Variants in UPF2 observed in about 807,000 individuals in gnomAD.
UPF2 encodes the protein UPF2 regulator of nonsense mediated mRNA decay, also known as regulator of nonsense transcripts 2.
A neutral mutation model predicts 141.4 loss-of-function variants in UPF2; 17 were observed. The ratio of observed to expected loss-of-function variants is 0.12; its 90% CI spans 0.08 to 0.18. UPF2 has a LOEUF of 0.18. UPF2 is among the 10% of genes least tolerant of loss of function. UPF2 has a pLI of 1.00. For missense variants in UPF2, 1,152 were observed against 1,515.9 expected, an observed-to-expected ratio of 0.76 and a Z score of 3.99; for synonymous variants, 540 against 498.0, an observed-to-expected ratio of 1.08 and a Z score of -1.12.
rs113521690 is a variant in UPF2 at position 12,004,675 on chromosome 10, G to C, written c.1359C>G (p.Asp453Glu). Residue 453 changes from aspartate (D) to glutamate (E), a missense_variant, in exon 5 of 22, where the codon GAC becomes GAG. Asp to Glu is a conservative substitution (Grantham distance 45, BLOSUM62 2). This residue lies in a region of UPF2 where 739 missense variants were observed against 1,032.2 expected (regional missense o/e 0.72). Coordinates refer to ENST00000357604, the MANE Select transcript of UPF2 (RefSeq NM_015542.4). ...CATCTTCCCATATACCACCTTCCAA[G>C]TCATATTCTCCAGGTTTACCAGGTG... The part of the protein sequence containing the change: ...IFTPGKPGEY[D>E]LEGGIWEDED... 1 of 1,613,720 alleles carries C rather than the reference G, an allele frequency of 6.2e-7. No homozygotes were observed. Among genetic ancestry groups the C allele is most frequent in the East Asian group, 2.2e-5 (1 of 44,792 alleles).
At position 11,967,409 on chromosome 10, in the gene UPF2, C is replaced by T. The variant is rs1389743222; in HGVS notation, c.1999G>A (p.Val667Ile). ...TTAGTTAGTTCTCCTATAAAACGAA[C>T]AGTTTTATTCTTTGTTTCAATATTG... ...QINIETKNKTVRFIGELTKFK... is the reference protein window; with the variant it reads ...QINIETKNKTIRFIGELTKFK... The change falls in exon 10 of 22, where the codon GTT (valine) becomes ATT (isoleucine). Residue 667 changes from valine to isoleucine, a missense_variant. Physicochemically the swap from Val to Ile is conservative, Grantham distance 29. Transcript: ENST00000357604. 1 of 1,588,068 alleles carries T rather than the reference C, an allele frequency of 6.3e-7. No individual in the cohort carries two copies. The highest frequency in any genetic ancestry group is 8.5e-7 in the Non-Finnish European group (1 of 1,172,054).
rs535061362 is a variant in UPF2, at chr10:11,936,367, AAAAAAC to A, written c.3546+172_3546+177del. On this transcript the variant is annotated intron_variant, in intron 19 of 21. Coordinates refer to ENST00000357604, the MANE Select transcript of UPF2 (RefSeq NM_015542.4). The surrounding 1 kb of genome is among the most constrained non-coding windows in gnomAD (Gnocchi z 6.6). ...GCGACAAAGTGAGACGCCGTCTCAA[AAAAAAC>A]AAAAACAAAAACAAAAACAAAAACA... is the stretch of plus-strand genomic sequence containing the variant. Among the ~76,000 whole-genome samples, 406 of 151,998 alleles carry A rather than the reference AAAAAAC, an allele frequency of 2.7e-3. 2 individuals are homozygous for A. The highest frequency in any genetic ancestry group is 7.0e-3 in the African/African-American group (290 of 41,410).
At chr10:11,954,833 G>T (rs1237417643) in intron 14 of UPF2, among the ~76,000 whole-genome samples, 3 of 144,864 alleles carry the variant, frequency 2.1e-5, no homozygotes, top group African/African-American at 5.0e-5. Context: ...AAAAAAGAAA[G>T]AAACAAGAAT....
intron 3 of UPF2, among the ~76,000 whole-genome samples, chr10:12,017,444 G>T (rs550990294): frequency 6.6e-6 from 1 of 152,266 alleles, no homozygotes; most frequent in South Asian, 2.1e-4. Context: ...TCACTTTCAC[G>T]TGTGGATTTG....
At chr10:11,947,780 T>G (rs1459888244) in intron 16 of UPF2, among the ~76,000 whole-genome samples, 1 of 120,694 alleles carries the variant, frequency 8.3e-6, no homozygotes, top group Non-Finnish European at 1.6e-5. Context: ...GAGAGAAACC[T>G]TGTCTCAAAA....
At chr10:11,934,702 G>C (rs1041740469) in intron 19 of UPF2, among the ~76,000 whole-genome samples, 4 of 152,188 alleles carry the variant, frequency 2.6e-5, no homozygotes, top group Admixed American at 6.5e-5. Context: ...TGATTCTCCT[G>C]CCTCAGCCTC....
At chr10:12,015,692 A>C (rs911920336) in intron 3 of UPF2, among the ~76,000 whole-genome samples, 1 of 152,122 alleles carries the variant, frequency 6.6e-6, no homozygotes, top group African/African-American at 2.4e-5. Context: ...ACAGAGTCAG[A>C]CTCTTGTCTC....
chr10:11,929,619 C>T (rs1252942756), intron 21 of UPF2, among the ~76,000 whole-genome samples: 2 of 151,878 alleles, frequency 1.3e-5, no homozygotes, highest in Admixed American at 6.6e-5. Context: ...TCAGCCTGGA[C>T]GACAGAGCAA....
Position 12,028,803 on chromosome 10 carries a change from A to G in UPF2, c.1087T>C (p.Leu363=). ...TGGTCCCTTTTCAGGTGTTTGGTCA[A>G]AGACGTAAAGTACTCTTTTAAAAGA... is the stretch of plus-strand genomic sequence containing the variant. ...QNLLKEYFTS[L]TKHLKRDHRE... Residue 363 remains leucine, a synonymous_variant, in exon 3 of 22, where the codon TTG becomes CTG. Transcript: ENST00000357604. The G allele has an allele frequency of 2.5e-6, 4 of 1,613,984 alleles. No homozygotes were observed. Among genetic ancestry groups the G allele is most frequent in the Non-Finnish European group, 3.4e-6 (4 of 1,180,000 alleles).
chr10:11,929,573 G>A (rs550480410), intron 21 of UPF2, among the ~76,000 whole-genome samples: 8 of 152,082 alleles, frequency 5.3e-5, no homozygotes, highest in Admixed American at 4.6e-4. Context: ...GGAGGGTGAG[G>A]CTGTAGTGAG....
chr10:12,007,926 T>C (rs919924641), intron 4 of UPF2, among the ~76,000 whole-genome samples: 5 of 151,252 alleles, frequency 3.3e-5, no homozygotes, highest in Admixed American at 2.0e-4. Context: ...AGTCTCGCTC[T>C]GTCACCCAGG....
chr10:11,969,986 T>A (rs1035746031), intron 9 of UPF2, among the ~76,000 whole-genome samples: 9 of 152,218 alleles, frequency 5.9e-5, no homozygotes, highest in Non-Finnish European at 1.0e-4. Context: ...TAAATAAATG[T>A]TTGCTGAAAA....
chr10:11,933,386 TAA>T (rs905624551), intron 19 of UPF2, among the ~76,000 whole-genome samples: 1 of 152,214 alleles, frequency 6.6e-6, no homozygotes, highest in Non-Finnish European at 1.5e-5. Context: ...AAATTCCAAA[TAA>T]AGTTTAGAAG....
chr10:12,008,485 C>A (rs1279756703), intron 4 of UPF2, among the ~76,000 whole-genome samples: 1 of 151,690 alleles, frequency 6.6e-6, no homozygotes, highest in Non-Finnish European at 1.5e-5. Context: ...AAAAAATTAG[C>A]CAGGCATGGT....
At chr10:11,986,337 T>C (rs1833691926) in intron 8 of UPF2, among the ~76,000 whole-genome samples, 1 of 152,124 alleles carries the variant, frequency 6.6e-6, no homozygotes, top group South Asian at 2.1e-4. Flanking sequence ...GAATCACACA[T>C]TTAAGTATCC....
At chr10:12,025,087 CT>C (rs1454304996) in intron 3 of UPF2, among the ~76,000 whole-genome samples, 1 of 152,134 alleles carries the variant, frequency 6.6e-6, no homozygotes, top group Non-Finnish European at 1.5e-5. Context: ...TTCCTCATGT[CT>C]TTTGCTCAGT....
chr10:11,940,593 C>T lies in UPF2; in HGVS notation c.3378+2072G>A, dbSNP rs1832924792. Among the ~76,000 whole-genome samples the T allele has an allele frequency of 6.6e-6, 1 of 152,180 alleles. No homozygotes were observed. Among genetic ancestry groups the T allele is most frequent in the Non-Finnish European group, 1.5e-5 (1 of 68,030 alleles). On this transcript the variant is annotated intron_variant, in intron 18 of 21. Transcript: ENST00000357604. This position sits in a 1 kb window ranked among gnomAD's most constrained non-coding sequence, Gnocchi z 4.2. Reference sequence around the variant, plus strand: ...TTAGCCAGTGGCCCAATCTGGAAAACCAACTATCATCTTTGATGCCTCACC... The same window carrying T: ...TTAGCCAGTGGCCCAATCTGGAAAATCAACTATCATCTTTGATGCCTCACC...
rs537984525 is a variant in UPF2 at position 12,018,731 on chromosome 10, GAC to G, written c.1146-4549_1146-4548del. On this transcript the variant is annotated intron_variant, in intron 3 of 21. Transcript: ENST00000357604. ...CGTGCCACTGTGCTGCAGCCTGGGT[GAC>G]AGAGTGAGACCCTGCCTCAAAAAAT... Among the ~76,000 whole-genome samples, 11 of 152,186 alleles carry G rather than the reference GAC, an allele frequency of 7.2e-5. No homozygotes were observed. The South Asian group carries it at 2.3e-3, about 32-fold the overall frequency.
At chr10:11,961,531 T>C (rs11595294) in intron 11 of UPF2, among the ~76,000 whole-genome samples, 9,139 of 151,696 alleles carry the variant, frequency 0.06, 373 homozygotes, top group Non-Finnish European at 0.092. Flanking sequence ...GGCCGGGTAA[T>C]AGAGAGCACT....
Sources: allele counts gnomAD v4.1 joint callset (sites outside exome capture counted in the v4.1 genomes callset), GRCh38; gene constraint gnomAD v4.1.1; regional missense constraint gnomAD v4.1.1; non-coding constraint Gnocchi (gnomAD v3.1); transcripts MANE v1.5; gene names NCBI Gene and HGNC (gene_info 2026-07-23, HGNC 2026-07-21).